PRKCE: variants seen among roughly 807,000 people sequenced by gnomAD.
PRKCE encodes the protein protein kinase C epsilon type.
A neutral mutation model predicts 85.4 loss-of-function variants in PRKCE; 16 were observed. That is an observed-to-expected ratio of 0.19 (90% CI 0.13 to 0.28). The LOEUF is 0.28. Among genes scored for constraint, PRKCE ranks in the 10% least tolerant of loss-of-function variants. The pLI is 1.00. For synonymous variants in PRKCE, 388 were observed against 371.5 expected, an observed-to-expected ratio of 1.04 and a Z score of -0.51; for missense variants, 573 against 975.2, an observed-to-expected ratio of 0.59 and a Z score of 5.49.
intron 1 of PRKCE, among the ~76,000 whole-genome samples, chr2:45,792,707 C>T (rs980855613): frequency 2.0e-5 from 3 of 152,180 alleles, no homozygotes; most frequent in Admixed American, 1.3e-4. Context: ...TTTCTTTCTT[C>T]AAGGACTGGT....
intron 10 of PRKCE, among the ~76,000 whole-genome samples, chr2:46,023,089 C>CAAAAAAAAAAAAA (rs397984467): frequency 3.2e-4 from 23 of 71,498 alleles, no homozygotes; most frequent in African/African-American, 6.1e-4. Flanking sequence ...GACTCCGTCT[C>CAAAAAAAAAAAAA]AAAAAAAAAA....
At chr2:45,753,584 GT>G (rs5830867) in intron 1 of PRKCE, among the ~76,000 whole-genome samples, 40,243 of 151,966 alleles carry the variant, frequency 0.26, 5,789 homozygotes, top group East Asian at 0.39. Context: ...GACCCAGGTT[GT>G]TTGAGTTGTT....
intron 10 of PRKCE, among the ~76,000 whole-genome samples, chr2:46,050,952 C>T (rs933845247): frequency 6.6e-6 from 1 of 152,216 alleles, no homozygotes; most frequent in African/African-American, 2.4e-5. Context: ...GTGGTCCTCC[C>T]TTCCTTTCAC....
chr2:45,920,982 G>A (rs978275241), intron 2 of PRKCE, among the ~76,000 whole-genome samples: 2 of 152,194 alleles, frequency 1.3e-5, no homozygotes, highest in African/African-American at 4.8e-5. Flanking sequence ...AAGCAAGCAG[G>A]CTCTCAGCTC....
intron 1 of PRKCE, among the ~76,000 whole-genome samples, chr2:45,771,572 G>A (rs369609093): frequency 3.5e-4 from 53 of 152,248 alleles, no homozygotes; most frequent in Admixed American, 1.0e-3. Context: ...TCTGAGAGCC[G>A]CCCATTGTGA....
At chr2:46,060,410 C>T (rs574985138) in intron 10 of PRKCE, among the ~76,000 whole-genome samples, 4 of 152,240 alleles carry the variant, frequency 2.6e-5, no homozygotes, top group Admixed American at 6.5e-5. Flanking sequence ...GTGATGACAC[C>T]GGAGGCAGGC....
At chr2:45,977,372 G>C (rs2711290) in intron 3 of PRKCE, among the ~76,000 whole-genome samples, 123,498 of 152,016 alleles carry the variant, frequency 0.81, 50,787 homozygotes, top group East Asian at 0.97. Flanking sequence ...TGCGGTGGCT[G>C]ATGTCTATAA....
chr2:45,976,334 C>T, intron 2 of PRKCE, 95 bp from the exon 3 acceptor site: 1 of 1,430,880 alleles, frequency 7.0e-7, no homozygotes, highest in Non-Finnish European at 9.5e-7. Context: ...CCCAGCTCCA[C>T]TCCCCCAGGG....
Position 45,748,692 on chromosome 2 carries a change from A to G in PRKCE, c.349-94308A>G, listed in dbSNP as rs372016385. Among the ~76,000 whole-genome samples, 7 of 152,118 alleles carry G rather than the reference A, an allele frequency of 4.6e-5. No individual in the cohort carries two copies. The South Asian group carries it at 1.0e-3, about 23-fold the overall frequency. ...GGTCACACACATCAGTCACTTCAAC[A>G]GGAAGCTTTGGAGAGGCAAGGATTT... On this transcript the variant is annotated intron_variant, in intron 1 of 14. Transcript: ENST00000306156.
At chr2:45,917,034 G>T (rs1038038297) in intron 2 of PRKCE, among the ~76,000 whole-genome samples, 1 of 152,148 alleles carries the variant, frequency 6.6e-6, no homozygotes, top group Non-Finnish European at 1.5e-5. Flanking sequence ...ACCTTCCACA[G>T]TGTGGAAGGG....
intron 6 of PRKCE, among the ~76,000 whole-genome samples, chr2:45,989,414 C>T (rs1309318085): frequency 6.6e-6 from 1 of 152,178 alleles, no homozygotes; most frequent in Non-Finnish European, 1.5e-5. Flanking sequence ...AGATCACAGG[C>T]TAGGATTTGG....
intron 10 of PRKCE, among the ~76,000 whole-genome samples, chr2:46,034,544 T>C (rs1200334677): frequency 6.6e-6 from 1 of 152,204 alleles, no homozygotes; most frequent in Non-Finnish European, 1.5e-5. Flanking sequence ...AACACCAGAA[T>C]TGGCTGCTTC....
chr2:46,169,456 G>A (rs11690929), intron 14 of PRKCE, among the ~76,000 whole-genome samples: 21,634 of 152,058 alleles, frequency 0.14, 1,767 homozygotes, highest in African/African-American at 0.21. Flanking sequence ...GACCTATTTC[G>A]CCTTAACAGC....
chr2:45,867,404 A>C (rs1002617564), intron 2 of PRKCE, among the ~76,000 whole-genome samples: 2 of 152,238 alleles, frequency 1.3e-5, no homozygotes, highest in Non-Finnish European at 2.9e-5. Flanking sequence ...GATATAAGTA[A>C]ATATACTACA....
intron 12 of PRKCE, among the ~76,000 whole-genome samples, chr2:46,147,641 CA>C (rs375997359): frequency 8.5e-4 from 129 of 152,334 alleles, no homozygotes; most frequent in African/African-American, 3.0e-3. Context: ...AGGCAAATTA[CA>C]GCTGATAAAG....
At position 45,786,878 on chromosome 2, in the gene PRKCE, G is replaced by A. The variant is rs1290610651; in HGVS notation, c.349-56122G>A. On this transcript the variant is annotated intron_variant, in intron 1 of 14. Transcript: ENST00000306156. This position sits in a 1 kb window ranked among gnomAD's most constrained non-coding sequence, Gnocchi z 5.3. ...CACAAAATCACATGGCAATAGTAGA[G>A]ATGCGATTCAAACCCTAGGGAATAC... is the stretch of plus-strand genomic sequence containing the variant. Among the ~76,000 whole-genome samples, 1 of 152,228 alleles carries A rather than the reference G, an allele frequency of 6.6e-6. No individual in the cohort carries two copies. Among genetic ancestry groups the A allele is most frequent in the Non-Finnish European group, 1.5e-5 (1 of 68,042 alleles).
intron 2 of PRKCE, among the ~76,000 whole-genome samples, chr2:45,930,140 A>T (rs1202806531): frequency 6.6e-6 from 1 of 152,214 alleles, no homozygotes; most frequent in Non-Finnish European, 1.5e-5. Context: ...CAGCTCAGTC[A>T]CCTGATTACT....
intron 1 of PRKCE, among the ~76,000 whole-genome samples, chr2:45,683,632 G>A (rs1572932630): frequency 6.6e-6 from 1 of 152,306 alleles, no homozygotes; most frequent in African/African-American, 2.4e-5. Context: ...TGGGAGCTGG[G>A]GGGAAATGCT....
chr2:45,744,465 CTT>C lies in PRKCE; in HGVS notation c.348+92019_348+92020del, dbSNP rs1392651873. On this transcript the variant is annotated intron_variant, in intron 1 of 14. Coordinates refer to ENST00000306156, the MANE Select transcript of PRKCE (RefSeq NM_005400.3). ...TCTTTCTTTCTTTCTTTCTTTCTTT[CTT>C]TCTTTCTTTCTTTCTTTCTTTTTCT... 2.2e-3 allele frequency among the ~76,000 whole-genome samples: 120 copies of C among 54,072 alleles called. 2 individuals are homozygous for C. Among genetic ancestry groups the C allele is most frequent in the Middle Eastern group, 9.1e-3 (1 of 110 alleles). The allele number at this position is 54,072 out of a possible 152,430, so 35.5% of individuals were successfully genotyped here.
Sources: gnomAD v4.1 joint callset for allele counts (sites outside exome capture counted in the v4.1 genomes callset) on GRCh38, gnomAD v4.1.1 for gene constraint, Gnocchi (gnomAD v3.1) non-coding constraint, MANE v1.5 for transcripts, NCBI Gene and HGNC (gene_info 2026-07-23, HGNC 2026-07-21) for gene names.